The following ATG10 variants were observed in gnomAD, a reference collection of about 807,000 sequenced individuals.
ATG10 encodes the protein ubiquitin-like-conjugating enzyme ATG10.
ATG10 carries 30 observed loss-of-function variants against 32.1 expected under a neutral mutation model. The observed-to-expected ratio is 0.94, with a 90% confidence interval of 0.70 to 1.27. ATG10 has a LOEUF of 1.27. ATG10 is among the 50% of genes most tolerant of loss of function. The pLI, the probability that ATG10 is intolerant of heterozygous loss-of-function variation, is 0.00. For synonymous variants in ATG10, 87 were observed against 91.5 expected (o/e 0.95, Z 0.28); for missense variants, 233 against 262.3 (o/e 0.89, Z 0.77).
At chr5:82,181,530 T>C (rs924968914) in intron 5 of ATG10, among the ~76,000 whole-genome samples, 5 of 152,016 alleles carry the variant, frequency 3.3e-5, no homozygotes, top group African/African-American at 1.2e-4. Context: ...GAAAACAAGG[T>C]GTCCTCAGTG....
At position 82,139,190 on chromosome 5, in the gene ATG10, T is replaced by C. The variant is rs1581731162; in HGVS notation, c.217-25209T>C. Among the ~76,000 whole-genome samples, 3 of 144,718 alleles carry C rather than the reference T, an allele frequency of 2.1e-5. No individual in the cohort carries two copies. The Middle Eastern group carries it at 0.011, about 513-fold the overall frequency. 94.9% of individuals were successfully genotyped at this position (144,718 alleles called of 152,430 possible). ...GTGCAGTGGCGTGATCTCGGCTCAC[T>C]ACAACCTACACCTCCCAGCCGCCTG... On this transcript the variant is annotated intron_variant, in intron 3 of 7. Coordinates refer to ENST00000282185, the MANE Select transcript of ATG10 (RefSeq NM_031482.5).
chr5:82,024,538 CA>C lies in ATG10; in HGVS notation c.109-33952del, dbSNP rs1561260331. Among the ~76,000 whole-genome samples, 3 of 152,164 alleles carry C rather than the reference CA, an allele frequency of 2.0e-5. No homozygotes were observed. In the East Asian group the frequency reaches 5.8e-4, roughly 29 times the overall value. ...AGTAATTCAGTTTTAGTGTTTTTCA[CA>C]AAAATATGTCTATGACAGATTGGAA... On this transcript the variant is annotated intron_variant, in intron 2 of 7. Coordinates refer to ENST00000282185, the MANE Select transcript of ATG10 (RefSeq NM_031482.5).
chr5:82,211,429 C>T (rs112784187), intron 5 of ATG10, among the ~76,000 whole-genome samples: 182 of 152,278 alleles, frequency 1.2e-3, no homozygotes, highest in Middle Eastern at 3.4e-3. Flanking sequence ...TCCTGTCTGT[C>T]CTTTCTCTCC....
At chr5:82,215,422 G>T (rs1283462847) in intron 5 of ATG10, among the ~76,000 whole-genome samples, 1 of 152,142 alleles carries the variant, frequency 6.6e-6, no homozygotes, top group Non-Finnish European at 1.5e-5. Context: ...CAGCCCATAC[G>T]CAAGGGGACA....
At chr5:82,246,980 A>T (rs1379021203) in intron 5 of ATG10, among the ~76,000 whole-genome samples, 1 of 152,144 alleles carries the variant, frequency 6.6e-6, no homozygotes, top group Admixed American at 6.5e-5. Flanking sequence ...TTCTGCTCCT[A>T]TCTGGACTGA....
intron 3 of ATG10, chr5:82,111,479 AGTT>A (rs1474409554): frequency 6.6e-6 from 1 of 151,990 alleles, no homozygotes; most frequent in Non-Finnish European, 1.5e-5. Context: ...TGGTCATGAA[AGTT>A]GCAGTGGCTT....
chr5:82,214,909 A>C (rs1426662746), intron 5 of ATG10, among the ~76,000 whole-genome samples: 2 of 152,240 alleles, frequency 1.3e-5, no homozygotes, highest in East Asian at 3.8e-4. Flanking sequence ...AGCCAAGAGG[A>C]ACTCCAGTGC....
chr5:82,227,280 A>C (rs1234145734), intron 5 of ATG10, among the ~76,000 whole-genome samples: 2 of 152,138 alleles, frequency 1.3e-5, no homozygotes, highest in African/African-American at 4.8e-5. Context: ...CATATTGCTT[A>C]GCCAGGGCAC....
rs568932280 is a variant in ATG10 at position 82,122,340 on chromosome 5, T to C, written c.217-42059T>C. Among the ~76,000 whole-genome samples, 5 of 152,258 alleles carry C rather than the reference T, an allele frequency of 3.3e-5. No homozygotes were observed. In the South Asian group the frequency reaches 1.0e-3, roughly 32 times the overall value. On this transcript the variant is annotated intron_variant, in intron 3 of 7. Transcript: ENST00000282185. ...AGAAGATTGAAGCTGTGCTCTTTTT[T>C]ACATCGTATACAAAAATCGACTCAC...
At chr5:82,054,381 CCTGT>C in intron 2 of ATG10, among the ~76,000 whole-genome samples, 1 of 152,230 alleles carries the variant, frequency 6.6e-6, no homozygotes, top group African/African-American at 2.4e-5. Flanking sequence ...TGAGATTCTG[CCTGT>C]CTGTCTTAAT....
intron 2 of ATG10, among the ~76,000 whole-genome samples, chr5:82,021,659 G>T (rs1026419825): frequency 6.6e-6 from 1 of 151,816 alleles, no homozygotes; most frequent in Non-Finnish European, 1.5e-5. Context: ...GGGGCGGGTG[G>T]ATCATGAGGT....
chr5:82,082,513 T>C (rs539707286), intron 3 of ATG10, among the ~76,000 whole-genome samples: 1 of 152,336 alleles, frequency 6.6e-6, no homozygotes, highest in African/African-American at 2.4e-5. Flanking sequence ...AAAGACCCTC[T>C]TGAGAGTCTT....
intron 3 of ATG10, among the ~76,000 whole-genome samples, chr5:82,148,415 T>C (rs1416092587): frequency 6.6e-6 from 1 of 152,212 alleles, no homozygotes; most frequent in Non-Finnish European, 1.5e-5. Context: ...CTTCTTTTTA[T>C]ATGCTTATAC....
At chr5:82,251,820 C>T (rs1336718641) in intron 5 of ATG10, among the ~76,000 whole-genome samples, 1 of 152,144 alleles carries the variant, frequency 6.6e-6, no homozygotes, top group Admixed American at 6.5e-5. Flanking sequence ...TGTCCACGTC[C>T]CTAACTTGGG....
At chr5:82,075,419 A>G (rs1764243980) in intron 3 of ATG10, among the ~76,000 whole-genome samples, 1 of 152,198 alleles carries the variant, frequency 6.6e-6, no homozygotes, top group Non-Finnish European at 1.5e-5. Context: ...CAATATGGTT[A>G]GATTTATTAA....
At chr5:81,988,273 A>G (rs1319708100) in intron 2 of ATG10, among the ~76,000 whole-genome samples, 1 of 151,972 alleles carries the variant, frequency 6.6e-6, no homozygotes, top group African/African-American at 2.4e-5. Flanking sequence ...AGTAGCTGGG[A>G]CTACAGATGT....
At chr5:82,096,654 TAGTC>T (rs1158204519) in intron 3 of ATG10, among the ~76,000 whole-genome samples, 1 of 152,162 alleles carries the variant, frequency 6.6e-6, no homozygotes, top group Non-Finnish European at 1.5e-5. Flanking sequence ...CTGTCTATAA[TAGTC>T]AGTGTCTGTT....
intron 3 of ATG10, among the ~76,000 whole-genome samples, chr5:82,099,009 C>T (rs906920447): frequency 2.0e-5 from 3 of 152,162 alleles, no homozygotes; most frequent in African/African-American, 7.2e-5. Flanking sequence ...GAACCAAAAG[C>T]TAGACAAAAC....
At chr5:81,990,647 G>C (rs924171896) in intron 2 of ATG10, among the ~76,000 whole-genome samples, 2 of 152,178 alleles carry the variant, frequency 1.3e-5, no homozygotes. Flanking sequence ...TGGTTGCTTA[G>C]GTAGGAAAGT....
Sources: gnomAD v4.1 joint callset for allele counts (sites outside exome capture counted in the v4.1 genomes callset) on GRCh38, gnomAD v4.1.1 for gene constraint, MANE v1.5 for transcripts, NCBI Gene and HGNC (gene_info 2026-07-23, HGNC 2026-07-21) for gene names.